Variants in SPINK14 observed in about 807,000 individuals in gnomAD.
SPINK14 encodes the protein serine protease inhibitor Kazal-type 14.
A neutral mutation model predicts 14.2 loss-of-function variants in SPINK14; 6 were observed. That is an observed-to-expected ratio of 0.42 (90% CI 0.23 to 0.83). SPINK14 has a LOEUF of 0.83. Among genes scored for constraint, SPINK14 ranks in the 40% least tolerant of loss-of-function variants. SPINK14 has a pLI of 0.28. For synonymous variants in SPINK14, 34 were observed against 36.8 expected (o/e 0.92, Z 0.27); for missense variants, 86 against 108.3 (o/e 0.79, Z 0.91).
At chr5:148,171,066 G>T in intron 3 of SPINK14, 93 bp downstream of exon 3, 1 of 1,211,870 alleles carries the variant, frequency 8.3e-7, no homozygotes, top group Non-Finnish European at 1.2e-6. Context: ...ATGCCTCAAG[G>T]TCACCCGTAA....
chr5:148,172,556 A>G (rs541509825), intron 3 of SPINK14, among the ~76,000 whole-genome samples: 22 of 152,336 alleles, frequency 1.4e-4, no homozygotes, highest in African/African-American at 4.8e-4. Context: ...TGCTGGGCAC[A>G]TAATGACTAG....
At chr5:148,172,489 TA>T (rs1340230139) in intron 3 of SPINK14, among the ~76,000 whole-genome samples, 4 of 152,194 alleles carry the variant, frequency 2.6e-5, no homozygotes, top group Non-Finnish European at 5.9e-5. Context: ...AACTATTTTA[TA>T]TCTCATTTAT....
chr5:148,173,826 G>A (rs146059253), intron 3 of SPINK14, among the ~76,000 whole-genome samples: 1,884 of 90,858 alleles, frequency 0.021, 682 homozygotes, highest in African/African-American at 0.084. Flanking sequence ...GCTTTTGTGA[G>A]AGTGGAATAT....
At chr5:148,174,739 T>A (rs1320435934) in intron 4 of SPINK14, among the ~76,000 whole-genome samples, 2 of 152,162 alleles carry the variant, frequency 1.3e-5, no homozygotes, top group Non-Finnish European at 2.9e-5. Flanking sequence ...CCCTTATGTG[T>A]TTGAAACTCT....
At chr5:148,174,707 C>T (rs1277810164) in intron 4 of SPINK14, among the ~76,000 whole-genome samples, 2 of 152,032 alleles carry the variant, frequency 1.3e-5, no homozygotes, top group Admixed American at 1.3e-4. Context: ...TGTAGTTTTG[C>T]TTTCTCTTAA....
At chr5:148,170,997 C>T in intron 3 of SPINK14, 24 bp downstream of exon 3, 1 of 1,607,236 alleles carries the variant, frequency 6.2e-7, no homozygotes, top group Non-Finnish European at 8.5e-7. Flanking sequence ...AAATTTCCCC[C>T]CAGGACTTAC....
At chr5:148,171,031 T>G (rs1755098381) in intron 3 of SPINK14, 58 bp downstream of exon 3, 1 of 1,528,596 alleles carries the variant, frequency 6.5e-7, no homozygotes, top group African/African-American at 1.4e-5. Flanking sequence ...TTCTTTTTTT[T>G]TGGAATTGTT....
Position 148,175,469 on chromosome 5 carries a change from T to G in SPINK14, c.*71T>G, listed in dbSNP as rs115140793. On this transcript the variant is annotated 3_prime_UTR_variant, in exon 5 of 5. Coordinates refer to ENST00000356972, the MANE Select transcript of SPINK14 (RefSeq NM_001001325.2). ...CATGTCTCCAATCTCCCTCTTGCGC[T>G]TTTTACATCTCCTTGCATTTGTTCT... 1.1e-3 allele frequency: 1,188 copies of G among 1,086,600 alleles called. 17 individuals are homozygous for G. The African/African-American group carries it at 0.015, about 14-fold the overall frequency. The allele number at this position is 1,086,600 out of a possible 1,614,324, so 67.3% of individuals were successfully genotyped here. A position where few individuals can be genotyped will look rare whatever the true frequency, so the allele number is the denominator to read the frequency against.
At chr5:148,174,821 T>A (rs1755146923) in intron 4 of SPINK14, among the ~76,000 whole-genome samples, 1 of 152,190 alleles carries the variant, frequency 6.6e-6, no homozygotes. Flanking sequence ...TTTGGATTTA[T>A]GTGACATAAA....
At chr5:148,170,792 T>C in intron 2 of SPINK14, 138 bp from the exon 3 acceptor site, 1 of 739,986 alleles carries the variant, frequency 1.4e-6, no homozygotes, top group Non-Finnish European at 2.3e-6. Context: ...AATGAATGAA[T>C]ACATGTATAA....
At position 148,175,424 on chromosome 5, in the gene SPINK14, A is replaced by G; in HGVS notation, c.*26A>G. The G allele has an allele frequency of 2.6e-6, 4 of 1,514,434 alleles. No homozygotes were observed. In the South Asian group the frequency reaches 4.6e-5, roughly 18 times the overall value. 93.8% of individuals were successfully genotyped at this position (1,514,434 alleles called of 1,614,324 possible). On this transcript the variant is annotated 3_prime_UTR_variant, in exon 5 of 5. Transcript: ENST00000356972. ...CTGAGTGGACTTGAATGTGGAAGAT[A>G]TCTTCTTTTTTTTTTCCTCCATGTC...
Position 148,175,373 on chromosome 5 carries a change from G to C in SPINK14, c.269G>C (p.Arg90Thr). The C allele has an allele frequency of 1.2e-6, 2 of 1,605,046 alleles. No homozygotes were observed. Among genetic ancestry groups the C allele is most frequent in the Non-Finnish European group, 1.7e-6 (2 of 1,174,088 alleles). ...TTTAGGAAATCTCATGGAAGAATCA[G>C]GTTTTACCATGATGGAAAATGTTAG... Reference protein sequence around the residue: ...VESLKSHGRIRFYHDGKC With the variant: ...VESLKSHGRITFYHDGKC The change falls in exon 5 of 5, where the codon AGG becomes ACG. Residue 90 changes from arginine (R) to threonine (T), a missense_variant. Transcript: ENST00000356972.
chr5:148,171,016 A>G lies in SPINK14; in HGVS notation c.111+43A>G, dbSNP rs1581129055. The G allele has an allele frequency of 3.2e-6, 5 of 1,574,764 alleles. No individual in the cohort carries two copies. The East Asian group carries it at 9.0e-5, about 28-fold the overall frequency. ...TTCCCCCCAGGACTTACATTATAAT[A>G]TGAGTTCTTTTTTTTTGGAATTGTT... On this transcript the variant is annotated intron_variant, in intron 3 of 4. Coordinates refer to ENST00000356972, the MANE Select transcript of SPINK14 (RefSeq NM_001001325.2).
At chr5:148,169,552 A>G (rs1001196909) in intron 1 of SPINK14, among the ~76,000 whole-genome samples, 109 bp from the exon 2 acceptor site, 8 of 152,138 alleles carry the variant, frequency 5.3e-5, no homozygotes, top group African/African-American at 1.9e-4. Context: ...GTTTCTGAAG[A>G]AGAATGGAAT....
intron 2 of SPINK14, among the ~76,000 whole-genome samples, chr5:148,170,199 CAT>C (rs1488716517): frequency 0.097 from 14,068 of 144,730 alleles, 1,400 homozygotes; most frequent in African/African-American, 0.25. Flanking sequence ...CACACACATA[CAT>C]ATATATATAT....
intron 3 of SPINK14, among the ~76,000 whole-genome samples, chr5:148,171,697 T>TA (rs1291471117): frequency 1.3e-5 from 2 of 152,108 alleles, no homozygotes; most frequent in Non-Finnish European, 2.9e-5. Context: ...TTCTTCTTTG[T>TA]AAAAAAGTCT....
chr5:148,170,856 G>C, intron 2 of SPINK14, 74 bp from the exon 3 acceptor site: 1 of 1,342,678 alleles, frequency 7.4e-7, no homozygotes, highest in African/African-American at 1.5e-5. Flanking sequence ...ATTAGAACTC[G>C]TTTATTCTGC....
chr5:148,172,614 G>A (rs746775046), intron 3 of SPINK14, among the ~76,000 whole-genome samples: 3 of 151,982 alleles, frequency 2.0e-5, no homozygotes, highest in Non-Finnish European at 4.4e-5. Flanking sequence ...CTCCTTTGGG[G>A]GTGTGGGATT....
Position 148,170,937 on chromosome 5 carries a change from C to T in SPINK14, c.75C>T (p.Gly25=). The T allele has an allele frequency of 6.2e-7, 1 of 1,612,028 alleles. No homozygotes were observed. Among genetic ancestry groups the T allele is most frequent in the Non-Finnish European group, 8.5e-7 (1 of 1,178,526 alleles). The change falls in exon 3 of 5, where the codon GGC becomes GGT. Residue 25 remains glycine, a synonymous_variant. Transcript: ENST00000356972. ...TTTTCATGTATTCTCTAGTTTCAGGCCCTAGACACTGGTGGCCACCACGTG... is the reference window on the plus strand; with the variant it reads ...TTTTCATGTATTCTCTAGTTTCAGGTCCTAGACACTGGTGGCCACCACGTG... ...LIHLVLSSVS[G]PRHWWPPRGI...
Sources: gnomAD v4.1 joint callset for allele counts (sites outside exome capture counted in the v4.1 genomes callset) on GRCh38, gnomAD v4.1.1 for gene constraint, MANE v1.5 for transcripts, NCBI Gene and HGNC (gene_info 2026-07-23, HGNC 2026-07-21) for gene names.